CSGALNACT1: variants seen among roughly 807,000 people sequenced by gnomAD.
The protein encoded by CSGALNACT1 is chondroitin sulfate N-acetylgalactosaminyltransferase 1, also known as beta4GalNAcT-1.
In CSGALNACT1, 52 loss-of-function variants were observed where a neutral mutation model predicts 51.0. The ratio of observed to expected loss-of-function variants is 1.02; its 90% CI spans 0.82 to 1.29. The LOEUF (loss-of-function observed/expected upper bound fraction) is 1.29, where lower values mean the gene tolerates loss of function less well. CSGALNACT1 is among the 50% of genes most tolerant of loss of function. CSGALNACT1 has a pLI of 0.00. For synonymous variants in CSGALNACT1, 341 were observed against 254.4 expected, an observed-to-expected ratio of 1.34 and a Z score of -3.24; for missense variants, 935 against 679.2, an observed-to-expected ratio of 1.38 and a Z score of -4.19.
At chr8:19,545,425 C>A (rs1349238981) in intron 3 of CSGALNACT1, among the ~76,000 whole-genome samples, 1 of 152,212 alleles carries the variant, frequency 6.6e-6, no homozygotes, top group East Asian at 1.9e-4. Flanking sequence ...AAAGCCACCT[C>A]ATGCCTATAA....
At chr8:19,514,994 G>A (rs1317523870) in intron 3 of CSGALNACT1, among the ~76,000 whole-genome samples, 1 of 152,156 alleles carries the variant, frequency 6.6e-6, no homozygotes, top group African/African-American at 2.4e-5. Flanking sequence ...CAGGTTTCCA[G>A]TAGTTGATCT....
intron 3 of CSGALNACT1, among the ~76,000 whole-genome samples, chr8:19,506,544 T>C (rs1291542158): frequency 1.3e-5 from 2 of 152,222 alleles, no homozygotes; most frequent in East Asian, 3.9e-4. Flanking sequence ...GCTGTGTTTG[T>C]TTGTCCCCTC....
intron 1 of CSGALNACT1, among the ~76,000 whole-genome samples, chr8:19,648,836 T>G (rs2057514426): frequency 6.6e-6 from 1 of 152,074 alleles, no homozygotes; most frequent in Non-Finnish European, 1.5e-5. Flanking sequence ...TGTGAACACC[T>G]TAATGTCCAT....
exon 10 of CSGALNACT1, chr8:19,404,317 G>C (rs1241642620): frequency 4.4e-6 from 2 of 453,530 alleles, no homozygotes; most frequent in Non-Finnish European, 8.8e-6. Context: ...TAAACAATGA[G>C]TTTACTGTGA....
intron 1 of CSGALNACT1, among the ~76,000 whole-genome samples, chr8:19,741,190 C>A (rs2064290816): frequency 6.6e-6 from 1 of 152,180 alleles, no homozygotes; most frequent in Admixed American, 6.5e-5. Context: ...ATGGATAGAT[C>A]AGAGAAAACC....
chr8:19,639,984 G>A (rs1049319126), intron 1 of CSGALNACT1, among the ~76,000 whole-genome samples: 1 of 151,242 alleles, frequency 6.6e-6, no homozygotes, highest in Non-Finnish European at 1.5e-5. Context: ...CTGGGCTCAG[G>A]TGATTCTCCC....
chr8:19,618,647 A>AG, intron 1 of CSGALNACT1, among the ~76,000 whole-genome samples: 1 of 141,594 alleles, frequency 7.1e-6, no homozygotes, highest in African/African-American at 3.0e-5. Flanking sequence ...AAAAAAAAAA[A>AG]AAAAAAAAAG....
At chr8:19,706,327 G>A (rs1246027590) in intron 1 of CSGALNACT1, among the ~76,000 whole-genome samples, 1 of 152,188 alleles carries the variant, frequency 6.6e-6, no homozygotes, top group African/African-American at 2.4e-5. Context: ...TATCTGTATT[G>A]TCATAAAGAG....
chr8:19,627,829 T>C (rs1471924853), intron 1 of CSGALNACT1, among the ~76,000 whole-genome samples: 1 of 152,020 alleles, frequency 6.6e-6, no homozygotes, highest in Non-Finnish European at 1.5e-5. Flanking sequence ...CTCCTACCTT[T>C]AAAAAAATAA....
At chr8:19,532,898 G>A (rs931259811) in intron 3 of CSGALNACT1, among the ~76,000 whole-genome samples, 12 of 152,070 alleles carry the variant, frequency 7.9e-5, no homozygotes, top group Non-Finnish European at 1.8e-4. Context: ...CTTATCCACC[G>A]GACTCAGTAT....
intron 1 of CSGALNACT1, among the ~76,000 whole-genome samples, chr8:19,712,802 A>T (rs2062588769): frequency 6.6e-6 from 1 of 152,166 alleles, no homozygotes. Flanking sequence ...AAAGGCATAG[A>T]CAGTTAACAG....
chr8:19,627,331 G>T (rs956638784), intron 1 of CSGALNACT1, among the ~76,000 whole-genome samples: 1 of 152,170 alleles, frequency 6.6e-6, no homozygotes, highest in Non-Finnish European at 1.5e-5. Flanking sequence ...CTCAAAAACT[G>T]ACGGAGCATG....
chr8:19,689,557 A>G (rs935436033), intron 1 of CSGALNACT1, among the ~76,000 whole-genome samples: 1 of 152,224 alleles, frequency 6.6e-6, no homozygotes, highest in Non-Finnish European at 1.5e-5. Flanking sequence ...ACACACGACT[A>G]TAAAAGATTC....
intron 4 of CSGALNACT1, among the ~76,000 whole-genome samples, chr8:19,481,067 A>G (rs2071248053): frequency 6.6e-6 from 1 of 152,192 alleles, no homozygotes; most frequent in African/African-American, 2.4e-5. Flanking sequence ...TCACAGTGTA[A>G]GTCTTTTTCC....
chr8:19,530,654 C>G (rs1010502699), intron 3 of CSGALNACT1, among the ~76,000 whole-genome samples: 3 of 152,090 alleles, frequency 2.0e-5, no homozygotes, highest in Non-Finnish European at 4.4e-5. Context: ...TCGCTTGAAC[C>G]CAAGAGATCG....
chr8:19,660,987 A>G (rs1293659770), intron 1 of CSGALNACT1, among the ~76,000 whole-genome samples: 1 of 151,898 alleles, frequency 6.6e-6, no homozygotes, highest in Non-Finnish European at 1.5e-5. Flanking sequence ...ATCTCAGCTC[A>G]TTGCAACCTC....
Position 19,635,500 on chromosome 8 carries a change from G to A in CSGALNACT1, c.-543-33635C>T, listed in dbSNP as rs1206810752. 3.3e-5 allele frequency among the ~76,000 whole-genome samples: 5 copies of A among 152,146 alleles called. No individual in the cohort carries two copies. In the South Asian group the frequency reaches 6.2e-4, roughly 19 times the overall value. ...GCATCTGTTAGTGTCAGGGGCTTAG[G>A]GGTGAACCTCGGCTGCTTCTGTGTC... On this transcript the variant is annotated intron_variant, in intron 1 of 9. Coordinates refer to the CSGALNACT1 transcript ENST00000332246.
At chr8:19,558,835 G>A (rs1336942188) in intron 3 of CSGALNACT1, among the ~76,000 whole-genome samples, 4 of 152,092 alleles carry the variant, frequency 2.6e-5, no homozygotes, top group East Asian at 3.9e-4. Context: ...TTACCTACAC[G>A]TCATCAACAT....
intron 1 of CSGALNACT1, among the ~76,000 whole-genome samples, chr8:19,629,838 C>T (rs1007397661): frequency 1.3e-5 from 2 of 152,074 alleles, no homozygotes; most frequent in Non-Finnish European, 2.9e-5. Context: ...CAAAAGCATC[C>T]CTGTGGGGTA....
Sources: allele counts gnomAD v4.1 joint callset (sites outside exome capture counted in the v4.1 genomes callset), GRCh38; gene constraint gnomAD v4.1.1; transcripts MANE v1.5; gene names NCBI Gene and HGNC (gene_info 2026-07-23, HGNC 2026-07-21).